Variants in BSN observed in about 807,000 individuals in gnomAD.
BSN encodes the protein bassoon presynaptic cytomatrix protein.
BSN carries 57 observed loss-of-function variants against 264.8 expected under a neutral mutation model. The ratio of observed to expected loss-of-function variants is 0.22; its 90% CI spans 0.17 to 0.27. BSN has a LOEUF of 0.27. BSN is among the 10% of genes least tolerant of loss of function. The pLI, the probability that BSN is intolerant of heterozygous loss-of-function variation, is 1.00. For missense variants in BSN, 4,615 were observed against 5,232.5 expected, an observed-to-expected ratio of 0.88 and a Z score of 3.64; for synonymous variants, 2,059 against 2,137.3, an observed-to-expected ratio of 0.96 and a Z score of 1.01.
chr3:49,598,006 A>G (rs1055784375), intron 1 of BSN, among the ~76,000 whole-genome samples: 1 of 152,190 alleles, frequency 6.6e-6, no homozygotes, highest in African/African-American at 2.4e-5. Flanking sequence ...TTTATTGATA[A>G]TCTGTATCTG....
Position 49,656,548 on chromosome 3 carries a change from T to C in BSN, c.6992T>C (p.Leu2331Pro), listed in dbSNP as rs368851495. 5.1e-6 allele frequency: 8 copies of C among 1,567,330 alleles called. No individual in the cohort carries two copies. The African/African-American group carries it at 6.8e-5, about 13-fold the overall frequency. The change falls in exon 5 of 12, where the codon CTA becomes CCA. Residue 2331 changes from leucine to proline, a missense_variant. Leu to Pro is a moderately conservative substitution (Grantham distance 98). Coordinates refer to ENST00000296452, the MANE Select transcript of BSN (RefSeq NM_003458.4). ...EAAGAPAPAP[L>P]AGQKPPADAA... is the part of the protein sequence containing the mutation. ...GCAGGAGCCCCAGCTCCTGCCCCACTAGCTGGCCAGAAGCCACCAGCAGAT... is the reference window on the plus strand; with the variant it reads ...GCAGGAGCCCCAGCTCCTGCCCCACCAGCTGGCCAGAAGCCACCAGCAGAT...
In BSN at chr3:49,656,021, A is replaced by G; in HGVS notation, c.6465A>G (p.Pro2155=). 6.2e-7 allele frequency: 1 copy of G among 1,602,566 alleles called. No individual in the cohort carries two copies. ...RPGLLGNPTF[P]EGHPSPGNLA... The stretch of plus-strand genomic sequence containing the variant: ...GACTCCTTGGTAACCCCACCTTTCC[A>G]GAGGGCCACCCAAGTCCTGGGAACT... The change falls in exon 5 of 12, where the codon CCA becomes CCG. Residue 2155 remains proline, a synonymous_variant. Coordinates refer to ENST00000296452, the MANE Select transcript of BSN (RefSeq NM_003458.4).
At position 49,642,354 on chromosome 3, in the gene BSN, G is replaced by A. The variant is rs192482729; in HGVS notation, c.720G>A (p.Gln240=). Residue 240 remains glutamine, a synonymous_variant, in exon 3 of 12, where the codon CAG becomes CAA. Coordinates refer to ENST00000296452, the MANE Select transcript of BSN (RefSeq NM_003458.4). This position sits in a 1 kb window ranked among gnomAD's most constrained non-coding sequence, Gnocchi z 7.0. ...CTGCACCTCGCTCCAAGAGCCAGCA[G>A]CAGCTGCACTCCCCAGCCCTGTCTC... is the stretch of plus-strand genomic sequence containing the variant. ...MTTAPRSKSQ[Q]QLHSPALSPA... 5.6e-4 allele frequency: 888 copies of A among 1,599,194 alleles called. 22 individuals are homozygous for A. The East Asian group carries it at 0.02, about 36-fold the overall frequency.
intron 1 of BSN, among the ~76,000 whole-genome samples, chr3:49,613,303 CG>C (rs2052223487): frequency 1.7e-4 from 8 of 47,332 alleles, no homozygotes; most frequent in Non-Finnish European, 2.4e-4. Flanking sequence ...ACACACAGAG[CG>C]AGAGAGAGAG....
intron 1 of BSN, among the ~76,000 whole-genome samples, chr3:49,583,432 G>A (rs537949839): frequency 2.0e-5 from 3 of 152,214 alleles, no homozygotes; most frequent in Admixed American, 6.5e-5. Flanking sequence ...TAGTTTTCTT[G>A]TAGTATCTTT....
chr3:49,580,085 C>CA (rs200553771), intron 1 of BSN, among the ~76,000 whole-genome samples: 1,757 of 152,142 alleles, frequency 0.012, 29 homozygotes, highest in African/African-American at 0.041. Flanking sequence ...TGTTTTTTTA[C>CA]AAATTTAATT....
At position 49,653,777 on chromosome 3, in the gene BSN, G is replaced by A. The variant is rs2052566410; in HGVS notation, c.4221G>A (p.Glu1407=). 2.5e-6 allele frequency: 4 copies of A among 1,614,072 alleles called. No homozygotes were observed. Among genetic ancestry groups the A allele is most frequent in the Admixed American group, 1.7e-5 (1 of 60,008 alleles). The change falls in exon 5 of 12, where the codon GAG becomes GAA. Residue 1407 remains glutamate, a synonymous_variant. Coordinates refer to ENST00000296452, the MANE Select transcript of BSN (RefSeq NM_003458.4). The surrounding 1 kb of genome is among the most constrained non-coding windows in gnomAD (Gnocchi z 6.3). ...YMTPASPAGS[E]RSPSPSSTAH... The stretch of plus-strand genomic sequence containing the variant: ...CTCCAGCCTCCCCAGCAGGCTCCGA[G>A]CGTAGTCCTTCACCATCTTCCACAG...
chr3:49,667,308 C>CA (rs34434564), intron 11 of BSN, among the ~76,000 whole-genome samples: 1,328 of 118,008 alleles, frequency 0.011, 14 homozygotes, highest in African/African-American at 0.037. Context: ...ACTCTTAAGC[C>CA]AAAAAAAAAA....
At chr3:49,624,317 T>TTTTTTTTTTTTTTTA (rs1559607969) in intron 1 of BSN, among the ~76,000 whole-genome samples, 2 of 127,788 alleles carry the variant, frequency 1.6e-5, no homozygotes, top group African/African-American at 3.0e-5. Flanking sequence ...TTTTTTTTTT[T>TTTTTTTTTTTTTTTA]AGACAGGGTC....
Position 49,651,868 on chromosome 3 carries a change from TTGACTC to T in BSN, c.2316_2321del (p.Ser773_Asp774del), listed in dbSNP as rs1407003192. The T allele has an allele frequency of 1.2e-6, 2 of 1,613,974 alleles. No individual in the cohort carries two copies. The highest frequency in any genetic ancestry group is 1.1e-5 in the South Asian group (1 of 91,080). On this transcript the variant is annotated inframe_deletion, in exon 5 of 12. Coordinates refer to ENST00000296452, the MANE Select transcript of BSN (RefSeq NM_003458.4). This position sits in a 1 kb window ranked among gnomAD's most constrained non-coding sequence, Gnocchi z 5.4. Reference sequence around the variant, plus strand: ...TCCTTGTCCATCACGCCTGAGGCCTTTGACTCTGATGAGGAGCTGGAGGATATCCTG... The same window carrying T: ...TCCTTGTCCATCACGCCTGAGGCCTTTGATGAGGAGCTGGAGGATATCCTG...
At chr3:49,571,920 C>T (rs993155215) in intron 1 of BSN, among the ~76,000 whole-genome samples, 27 of 152,162 alleles carry the variant, frequency 1.8e-4, no homozygotes, top group Non-Finnish European at 4.0e-4. Flanking sequence ...CTGCTTTATC[C>T]TCAGAGAAGG....
chr3:49,671,925 G>A (rs913034149), downstream of BSN, among the ~76,000 whole-genome samples: 1 of 151,440 alleles, frequency 6.6e-6, no homozygotes, highest in African/African-American at 2.4e-5. This position sits in a 1 kb window ranked among gnomAD's most constrained non-coding sequence, Gnocchi z 4.1. Flanking sequence ...GCCTTGCTCC[G>A]AATTTTCCAA....
intron 2 of BSN, among the ~76,000 whole-genome samples, chr3:49,635,437 C>T (rs2108066256): frequency 6.6e-6 from 1 of 152,202 alleles, no homozygotes; most frequent in East Asian, 1.9e-4. Flanking sequence ...GCTCTTGATG[C>T]CTTGCTGGGT....
chr3:49,584,861 A>G (rs1369280605), intron 1 of BSN, among the ~76,000 whole-genome samples: 1 of 152,084 alleles, frequency 6.6e-6, no homozygotes, highest in African/African-American at 2.4e-5. Context: ...TGATTTTCAG[A>G]TCCCACGAAT....
chr3:49,608,809 T>G (rs542744238), intron 1 of BSN, among the ~76,000 whole-genome samples: 1 of 146,900 alleles, frequency 6.8e-6, no homozygotes, highest in South Asian at 2.1e-4. Context: ...GCCTGGGTGA[T>G]AGAGCAAGAC....
At chr3:49,600,593 A>C (rs572704684) in intron 1 of BSN, among the ~76,000 whole-genome samples, 45 of 152,266 alleles carry the variant, frequency 3.0e-4, no homozygotes, top group African/African-American at 1.0e-3. Context: ...GGATTTTGGG[A>C]CCAGCATAGG....
At position 49,585,198 on chromosome 3, in the gene BSN, T is replaced by TG. The variant is rs996146104; in HGVS notation, c.224+30373dup. Among the ~76,000 whole-genome samples the TG allele has an allele frequency of 3.4e-4, 16 of 46,786 alleles. No homozygotes were observed. The highest frequency in any genetic ancestry group is 7.3e-4 in the Non-Finnish European group (15 of 20,582). The allele number at this position is 46,786 out of a possible 152,430, so 30.7% of individuals were successfully genotyped here. ...ATCATATGGTAGCCCAATTTTTAGT[T>TG]GTTTTTTTTTTAATTTTAATTTTTA... is the stretch of plus-strand genomic sequence containing the variant. On this transcript the variant is annotated intron_variant, in intron 1 of 11. Coordinates refer to ENST00000296452, the MANE Select transcript of BSN (RefSeq NM_003458.4). This position sits in a 1 kb window ranked among gnomAD's most constrained non-coding sequence, Gnocchi z 4.7.
In BSN at chr3:49,655,639, C is replaced by T. The variant is rs368681330; in HGVS notation, c.6083C>T (p.Ala2028Val). 3.5e-5 allele frequency: 56 copies of T among 1,613,490 alleles called. No homozygotes were observed. Among genetic ancestry groups the T allele is most frequent in the Non-Finnish European group, 4.3e-5 (51 of 1,179,962 alleles). ...SLKHSYSLGF[A>V]DGRYLGQGLQ... ...AAGCACTCCTACAGCCTGGGCTTTG[C>T]GGATGGACGCTACCTAGGGCAGGGC... is the stretch of plus-strand genomic sequence containing the variant. Residue 2028 changes from alanine (A) to valine (V), a missense_variant, in exon 5 of 12, where the codon GCG becomes GTG. Around this residue, in one of 3 missense-constraint regions of BSN, gnomAD observed 3,415 missense variants for 3,866.4 expected, o/e 0.88. Transcript: ENST00000296452.
In BSN at chr3:49,651,473, C is replaced by T. The variant is rs2052540570; in HGVS notation, c.1987-70C>T. ...CTCTTCCCCAGGGTCCTGGGATTGA[C>T]AGGGAGGATTGGGTTCCCACCACGA... On this transcript the variant is annotated intron_variant, in intron 4 of 11. Coordinates refer to ENST00000296452, the MANE Select transcript of BSN (RefSeq NM_003458.4). This position sits in a 1 kb window ranked among gnomAD's most constrained non-coding sequence, Gnocchi z 5.4. 2.0e-6 allele frequency: 3 copies of T among 1,471,284 alleles called. No individual in the cohort carries two copies. Among genetic ancestry groups the T allele is most frequent in the African/African-American group, 2.8e-5 (2 of 70,916 alleles). 91.1% of individuals were successfully genotyped at this position (1,471,284 alleles called of 1,614,324 possible).
Sources: allele counts gnomAD v4.1 joint callset (sites outside exome capture counted in the v4.1 genomes callset), GRCh38; gene constraint gnomAD v4.1.1; regional missense constraint gnomAD v4.1.1; non-coding constraint Gnocchi (gnomAD v3.1); transcripts MANE v1.5; gene names NCBI Gene and HGNC (gene_info 2026-07-23, HGNC 2026-07-21).